The following UROD variants were observed in gnomAD, a reference collection of about 807,000 sequenced individuals.
UROD encodes uroporphyrinogen III decarboxylase.
A neutral mutation model predicts 47.1 loss-of-function variants in UROD; 34 were observed. The ratio of observed to expected loss-of-function variants is 0.72; its 90% CI spans 0.55 to 0.96. UROD has a LOEUF of 0.96. UROD is among the 40% of genes least tolerant of loss of function. The pLI is 0.00. For synonymous variants in UROD, 148 were observed against 175.8 expected (o/e 0.84, Z 1.25); for missense variants, 381 against 471.8 (o/e 0.81, Z 1.78).
chr1:45,014,928 C>T lies in UROD; in HGVS notation c.876-12C>T, dbSNP rs765182035. ...TGCAGTTACCAGAACGTGGCGCTGG[C>T]TTTGCTTCCAGGGAGTGTGTGGGGA... On this transcript the variant is annotated splice_polypyrimidine_tract_variant and intron_variant, in intron 8 of 9. Coordinates refer to ENST00000246337, the MANE Select transcript of UROD (RefSeq NM_000374.5). 2.0e-5 allele frequency: 32 copies of T among 1,614,142 alleles called. No individual in the cohort carries two copies. The highest frequency in any genetic ancestry group is 2.6e-5 in the Non-Finnish European group (31 of 1,180,036).
chr1:45,013,644 A>T lies in UROD; in HGVS notation c.327A>T (p.Pro109=), dbSNP rs1644823989. Residue 109 remains proline, a synonymous_variant, in exon 5 of 10, where the codon CCA becomes CCT. Coordinates refer to ENST00000246337, the MANE Select transcript of UROD (RefSeq NM_000374.5). This position sits in a 1 kb window ranked among gnomAD's most constrained non-coding sequence, Gnocchi z 4.2. Reference sequence around the variant, plus strand: ...TACCTGGCAAAGGACCCAGCTTCCCAGAGCCATTAAGAGAAGAGCAGGACC... The same window carrying T: ...TACCTGGCAAAGGACCCAGCTTCCCTGAGCCATTAAGAGAAGAGCAGGACC... ...TMVPGKGPSF[P]EPLREEQDLE... 6.2e-7 allele frequency: 1 copy of T among 1,614,030 alleles called. No individual in the cohort carries two copies.
In UROD at chr1:45,014,858, C is replaced by G. The variant is rs182878625; in HGVS notation, c.875+22C>G. The stretch of plus-strand genomic sequence containing the variant: ...CCCGGTAAGCCATGGAAGGGTGAGG[C>G]CTTGAGGTTGAGGTGGGGGTGTTGG... On this transcript the variant is annotated intron_variant, in intron 8 of 9. Transcript: ENST00000246337. 1.1e-5 allele frequency: 17 copies of G among 1,614,068 alleles called. No individual in the cohort carries two copies. The Admixed American group carries it at 2.8e-4, about 27-fold the overall frequency.
Position 45,013,458 on chromosome 1 carries a change from G to A in UROD, c.276+104G>A, listed in dbSNP as rs538164904. 6.2e-6 allele frequency: 10 copies of A among 1,605,160 alleles called. No homozygotes were observed. The highest frequency in any genetic ancestry group is 8.5e-6 in the Non-Finnish European group (10 of 1,172,334). On this transcript the variant is annotated intron_variant, in intron 4 of 9. Transcript: ENST00000246337. The surrounding 1 kb of genome is among the most constrained non-coding windows in gnomAD (Gnocchi z 4.2). Reference sequence around the variant, plus strand: ...AATAAGCACTTATCCTAACTGGATCGAGGGAAAAACTAAGGTTGAAAGAAA... The same window carrying A: ...AATAAGCACTTATCCTAACTGGATCAAGGGAAAAACTAAGGTTGAAAGAAA...
In UROD at chr1:45,015,401, A is replaced by G. The variant is rs753164437; in HGVS notation, c.1007A>G (p.Asn336Ser). The change falls in exon 10 of 10, where the codon AAC (asparagine) becomes AGC (serine). Residue 336 changes from asparagine (N) to serine (S), a missense_variant. By Grantham distance (46) the Asn-to-Ser change is conservative. Transcript: ENST00000246337. ...DDFGPHRYIA[N>S]LGHGLYPDMD... ...TTTGGACCACATCGCTACATTGCCA[A>G]CCTGGGCCATGGGCTTTATCCTGAC... 35 of 1,614,038 alleles carry G rather than the reference A, an allele frequency of 2.2e-5. No homozygotes were observed. Among genetic ancestry groups the G allele is most frequent in the Non-Finnish European group, 2.8e-5 (33 of 1,180,042 alleles).
chr1:45,013,206 G>C lies in UROD; in HGVS notation c.204G>C (p.Leu68=). The C allele has an allele frequency of 6.2e-7, 1 of 1,614,178 alleles. No homozygotes were observed. The highest frequency in any genetic ancestry group is 8.5e-7 in the Non-Finnish European group (1 of 1,180,042). ...TCRSPEACCE[L]TLQPLRRFPL... is the part of the protein sequence containing the mutation. ...GCTCTCCTGAGGCCTGCTGTGAACT[G>C]ACTCTGCAGGTGAGGGGTCCACAAA... The change falls in exon 3 of 10, where the codon CTG becomes CTC. Residue 68 remains leucine, a synonymous_variant. Transcript: ENST00000246337. This position sits in a 1 kb window ranked among gnomAD's most constrained non-coding sequence, Gnocchi z 4.2.
rs749158648 is a variant in UROD, at chr1:45,012,301, C to T, written c.20+16C>T. ...ATGGGTTGGGGTGAGTTCTCCAGAG[C>T]ACGCGGTGTGGCTAGCCGGGCTTCT... is the stretch of plus-strand genomic sequence containing the variant. On this transcript the variant is annotated intron_variant, in intron 1 of 9. Transcript: ENST00000246337. 2.5e-6 allele frequency: 4 copies of T among 1,614,154 alleles called. No individual in the cohort carries two copies. The highest frequency in any genetic ancestry group is 3.3e-5 in the Admixed American group (2 of 60,030).
chr1:45,013,496 G>A lies in UROD; in HGVS notation c.277-98G>A. The A allele has an allele frequency of 6.2e-7, 1 of 1,604,466 alleles. No individual in the cohort carries two copies. Among genetic ancestry groups the A allele is most frequent in the Non-Finnish European group, 8.5e-7 (1 of 1,172,702 alleles). On this transcript the variant is annotated intron_variant, in intron 4 of 9. Coordinates refer to ENST00000246337, the MANE Select transcript of UROD (RefSeq NM_000374.5). This position sits in a 1 kb window ranked among gnomAD's most constrained non-coding sequence, Gnocchi z 4.2. The stretch of plus-strand genomic sequence containing the variant: ...AGGTTGAAAGAAATGGAGTTTGGCA[G>A]AGTTTTATTCTCCTTTTCCTTCCTC...
Position 45,013,866 on chromosome 1 carries a change from G to A in UROD, c.475-43G>A. 1.2e-6 allele frequency: 2 copies of A among 1,614,220 alleles called. No homozygotes were observed. The highest frequency in any genetic ancestry group is 1.1e-5 in the South Asian group (1 of 91,088). Reference sequence around the variant, plus strand: ...AGGTCTGGGGTAGACAAAAGGAAGGGTCAGTCTGGCTTCTGTGACACCATC... The same window carrying A: ...AGGTCTGGGGTAGACAAAAGGAAGGATCAGTCTGGCTTCTGTGACACCATC... On this transcript the variant is annotated intron_variant, in intron 5 of 9. Coordinates refer to ENST00000246337, the MANE Select transcript of UROD (RefSeq NM_000374.5). The surrounding 1 kb of genome is among the most constrained non-coding windows in gnomAD (Gnocchi z 4.2).
rs1232802548 is a variant in UROD at position 45,013,462 on chromosome 1, G to A, written c.276+108G>A. 2 of 1,605,270 alleles carry A rather than the reference G, an allele frequency of 1.2e-6. No individual in the cohort carries two copies. Among genetic ancestry groups the A allele is most frequent in the African/African-American group, 1.3e-5 (1 of 74,740 alleles). ...AGCACTTATCCTAACTGGATCGAGG[G>A]AAAAACTAAGGTTGAAAGAAATGGA... On this transcript the variant is annotated intron_variant, in intron 4 of 9. Coordinates refer to ENST00000246337, the MANE Select transcript of UROD (RefSeq NM_000374.5). The surrounding 1 kb of genome is among the most constrained non-coding windows in gnomAD (Gnocchi z 4.2).
Position 45,013,073 on chromosome 1 carries a change from C to T in UROD, c.133+54C>T, listed in dbSNP as rs552283400. 3.7e-5 allele frequency: 60 copies of T among 1,614,046 alleles called. No individual in the cohort carries two copies. In the Admixed American group the frequency reaches 7.0e-4, roughly 19 times the overall value. On this transcript the variant is annotated intron_variant, in intron 2 of 9. Coordinates refer to ENST00000246337, the MANE Select transcript of UROD (RefSeq NM_000374.5). The surrounding 1 kb of genome is among the most constrained non-coding windows in gnomAD (Gnocchi z 4.2). ...AAAACTCCGGAGGGAGAAAAGTTTTCGAGGGGCAGGGGAGGGCTCTGGAGG... is the reference window on the plus strand; with the variant it reads ...AAAACTCCGGAGGGAGAAAAGTTTTTGAGGGGCAGGGGAGGGCTCTGGAGG...
chr1:45,012,939 C>T lies in UROD; in HGVS notation c.53C>T (p.Thr18Ile). The change falls in exon 2 of 10, where the codon ACA becomes ATA. Residue 18 changes from threonine (T) to isoleucine (I), a missense_variant. Physicochemically the swap from Thr to Ile is moderately conservative, Grantham distance 89. Coordinates refer to ENST00000246337, the MANE Select transcript of UROD (RefSeq NM_000374.5). Reference protein sequence around the residue: ...PQGFPELKNDTFLRAAWGEET... With the variant: ...PQGFPELKNDIFLRAAWGEET... ...GGTTTTCCGGAGCTGAAGAATGACA[C>T]ATTCCTGCGAGCAGCCTGGGGAGAG... is the stretch of plus-strand genomic sequence containing the variant. The T allele has an allele frequency of 6.2e-7, 1 of 1,613,846 alleles. No homozygotes were observed. Among genetic ancestry groups the T allele is most frequent in the South Asian group, 1.1e-5 (1 of 91,082 alleles).
At chr1:45,015,217 A>C in intron 9 of UROD, 120 bp from the exon 10 acceptor site, 1 of 1,485,068 alleles carries the variant, frequency 6.7e-7, no homozygotes, top group South Asian at 1.2e-5. Context: ...GATAAATTTT[A>C]TTGAATGACT....
chr1:45,014,431 C>T lies in UROD; in HGVS notation c.637-8C>T, dbSNP rs145570611. On this transcript the variant is annotated splice_region_variant and splice_polypyrimidine_tract_variant and intron_variant, in intron 6 of 9. Coordinates refer to ENST00000246337, the MANE Select transcript of UROD (RefSeq NM_000374.5). ...GTTACATATTTTTCTTCACCATACCCTAACTAGGCATTGCAGCTGTTTGAG... is the reference window on the plus strand; with the variant it reads ...GTTACATATTTTTCTTCACCATACCTTAACTAGGCATTGCAGCTGTTTGAG... 1 of 1,614,102 alleles carries T rather than the reference C, an allele frequency of 6.2e-7. No individual in the cohort carries two copies. The highest frequency in any genetic ancestry group is 8.5e-7 in the Non-Finnish European group (1 of 1,180,028).
intron 1 of UROD, 146 bp downstream of exon 1, chr1:45,012,431 C>G: frequency 8.2e-7 from 1 of 1,217,086 alleles, no homozygotes; most frequent in Non-Finnish European, 1.2e-6. Context: ...ATCCTAAAAC[C>G]ATGGATTTTT....
In UROD at chr1:45,013,757, G is replaced by A; in HGVS notation, c.440G>A (p.Gly147Glu). 6.2e-7 allele frequency: 1 copy of A among 1,614,174 alleles called. No individual in the cohort carries two copies. The highest frequency in any genetic ancestry group is 8.5e-7 in the Non-Finnish European group (1 of 1,180,040). The change falls in exon 5 of 10, where the codon GGA becomes GAA. Residue 147 changes from glycine (G) to glutamate (E), a missense_variant. Transcript: ENST00000246337. The surrounding 1 kb of genome is among the most constrained non-coding windows in gnomAD (Gnocchi z 4.2). Reference protein sequence around the residue: ...AITLTRQRLAGRVPLIGFAGA... With the variant: ...AITLTRQRLAERVPLIGFAGA... ...ACCCTTACCCGACAACGACTGGCTG[G>A]ACGTGTGCCGCTGATTGGCTTTGCT... is the stretch of plus-strand genomic sequence containing the variant.
Position 45,014,535 on chromosome 1 carries a change from A to C in UROD, c.733A>C (p.Lys245Gln), listed in dbSNP as rs1644832613. ...PYIRDVAKQV[K>Q]ARLREAGLAP... Reference sequence around the variant, plus strand: ...CATCCGTGATGTGGCCAAGCAAGTGAAGGCCAGGTTGCGGGAGGCAGGCCT... The same window carrying C: ...CATCCGTGATGTGGCCAAGCAAGTGCAGGCCAGGTTGCGGGAGGCAGGCCT... The change falls in exon 7 of 10, where the codon AAG (lysine) becomes CAG (glutamine). Residue 245 changes from lysine (K) to glutamine (Q), a missense_variant. Lys to Gln is a moderately conservative substitution (Grantham distance 53, BLOSUM62 1). Transcript: ENST00000246337. The C allele has an allele frequency of 1.2e-6, 2 of 1,614,226 alleles. No homozygotes were observed. Among genetic ancestry groups the C allele is most frequent in the Non-Finnish European group, 1.7e-6 (2 of 1,180,038 alleles).
In UROD at chr1:45,013,367, A is replaced by G. The variant is rs1304572678; in HGVS notation, c.276+13A>G. 6.2e-7 allele frequency: 1 copy of G among 1,614,132 alleles called. No individual in the cohort carries two copies. Among genetic ancestry groups the G allele is most frequent in the Non-Finnish European group, 8.5e-7 (1 of 1,180,022 alleles). ...TGTTGTACCCCAGGTACCCACTCAA[A>G]CCTGATCCTAGAATATAATCCAAGG... On this transcript the variant is annotated intron_variant, in intron 4 of 9. Coordinates refer to ENST00000246337, the MANE Select transcript of UROD (RefSeq NM_000374.5). The surrounding 1 kb of genome is among the most constrained non-coding windows in gnomAD (Gnocchi z 4.2).
chr1:45,014,429 C>T lies in UROD; in HGVS notation c.637-10C>T. ...GTGTTACATATTTTTCTTCACCATACCCTAACTAGGCATTGCAGCTGTTTG... is the reference window on the plus strand; with the variant it reads ...GTGTTACATATTTTTCTTCACCATATCCTAACTAGGCATTGCAGCTGTTTG... On this transcript the variant is annotated splice_polypyrimidine_tract_variant and intron_variant, in intron 6 of 9. Transcript: ENST00000246337. 1.9e-6 allele frequency: 3 copies of T among 1,614,118 alleles called. No individual in the cohort carries two copies. Among genetic ancestry groups the T allele is most frequent in the Non-Finnish European group, 2.5e-6 (3 of 1,180,032 alleles).
rs370183474 is a variant in UROD, at chr1:45,013,255, G to A, written c.214-37G>A. The A allele has an allele frequency of 3.1e-6, 5 of 1,614,084 alleles. No homozygotes were observed. In the African/African-American group the frequency reaches 6.7e-5, roughly 22 times the overall value. On this transcript the variant is annotated intron_variant, in intron 3 of 9. Coordinates refer to ENST00000246337, the MANE Select transcript of UROD (RefSeq NM_000374.5). The surrounding 1 kb of genome is among the most constrained non-coding windows in gnomAD (Gnocchi z 4.2). ...AAAGAGGGAAAGATTTATGCCTTCA[G>A]TCTGCCACCTAGCAACCTGTCTCCT... is the stretch of plus-strand genomic sequence containing the variant.
Sources: allele counts gnomAD v4.1 joint callset, GRCh38; gene constraint gnomAD v4.1.1; non-coding constraint Gnocchi (gnomAD v3.1); transcripts MANE v1.5; gene names NCBI Gene and HGNC (gene_info 2026-07-23, HGNC 2026-07-21).